SLC24A3: variants seen among roughly 807,000 people sequenced by gnomAD.
The protein encoded by SLC24A3 is solute carrier family 24 member 3, also known as sodium/potassium/calcium exchanger 3.
A neutral mutation model predicts 75.8 loss-of-function variants in SLC24A3; 28 were observed. That is an observed-to-expected ratio of 0.37 (90% CI 0.27 to 0.51). The LOEUF is 0.51. Among genes scored for constraint, SLC24A3 ranks in the 20% least tolerant of loss-of-function variants. The pLI is 0.94. For missense variants in SLC24A3, 663 were observed against 847.8 expected, an observed-to-expected ratio of 0.78 and a Z score of 2.71; for synonymous variants, 372 against 334.1, an observed-to-expected ratio of 1.11 and a Z score of -1.24.
At chr20:19,426,502 C>A (rs190688203) in intron 2 of SLC24A3, among the ~76,000 whole-genome samples, 22 of 152,262 alleles carry the variant, frequency 1.4e-4, no homozygotes, top group African/African-American at 5.3e-4. Context: ...TTCAAAAAGT[C>A]AACACTATAT....
chr20:19,472,498 A>C (rs992006290), intron 2 of SLC24A3, among the ~76,000 whole-genome samples: 27 of 152,220 alleles, frequency 1.8e-4, no homozygotes, highest in Non-Finnish European at 1.5e-5. Context: ...TCAGCTTCAC[A>C]CATGTGGGGA....
intron 2 of SLC24A3, among the ~76,000 whole-genome samples, chr20:19,328,304 A>T (rs1372042367): frequency 1.3e-5 from 2 of 152,182 alleles, no homozygotes; most frequent in Admixed American, 1.3e-4. Context: ...GGTCTTCTGC[A>T]TTCACTGTGG....
intron 2 of SLC24A3, among the ~76,000 whole-genome samples, chr20:19,322,365 C>CCCTT (rs59240769): frequency 0.048 from 3,861 of 79,740 alleles, 70 homozygotes; most frequent in Middle Eastern, 0.071. Flanking sequence ...TTCCTTCCTT[C>CCCTT]CCTTCCTTCC....
chr20:19,247,137 A>G (rs950913652), intron 1 of SLC24A3, among the ~76,000 whole-genome samples: 2 of 152,236 alleles, frequency 1.3e-5, no homozygotes, highest in Non-Finnish European at 2.9e-5. Flanking sequence ...AAACAAAATC[A>G]GTTCCATATG....
chr20:19,473,245 G>C (rs1034931387), intron 2 of SLC24A3, among the ~76,000 whole-genome samples: 3 of 152,166 alleles, frequency 2.0e-5, no homozygotes, highest in African/African-American at 7.2e-5. Flanking sequence ...GGCTCTTCAG[G>C]ATTTTAAAGC....
chr20:19,421,909 C>T (rs993424264), intron 2 of SLC24A3, among the ~76,000 whole-genome samples: 2 of 152,172 alleles, frequency 1.3e-5, no homozygotes, highest in Non-Finnish European at 2.9e-5. Context: ...GGGAACTCTT[C>T]GCACCTGGCT....
chr20:19,548,894 A>G (rs1190957078), intron 3 of SLC24A3, among the ~76,000 whole-genome samples: 1 of 152,232 alleles, frequency 6.6e-6, no homozygotes. Flanking sequence ...GAATGAACAT[A>G]ATAAGGGATT....
chr20:19,257,965 A>G (rs1982865805), intron 1 of SLC24A3, among the ~76,000 whole-genome samples: 1 of 152,242 alleles, frequency 6.6e-6, no homozygotes, highest in Non-Finnish European at 1.5e-5. Flanking sequence ...AGCTGGAACT[A>G]CAGGCACACG....
chr20:19,408,985 A>T (rs929535423), intron 2 of SLC24A3, among the ~76,000 whole-genome samples: 1 of 152,210 alleles, frequency 6.6e-6, no homozygotes, highest in Non-Finnish European at 1.5e-5. Context: ...ACAGGGATGC[A>T]CATGAGAAAT....
At chr20:19,357,589 T>C (rs1410443894) in intron 2 of SLC24A3, among the ~76,000 whole-genome samples, 1 of 152,258 alleles carries the variant, frequency 6.6e-6, no homozygotes, top group African/African-American at 2.4e-5. Context: ...TTTTTTTATA[T>C]ACAGAAGTTT....
At chr20:19,345,489 A>G (rs1217616059) in intron 2 of SLC24A3, among the ~76,000 whole-genome samples, 1 of 152,208 alleles carries the variant, frequency 6.6e-6, no homozygotes, top group African/African-American at 2.4e-5. Flanking sequence ...ACACTATGAG[A>G]CTTCAACACT....
chr20:19,313,715 A>T (rs981219679), intron 2 of SLC24A3, among the ~76,000 whole-genome samples: 1 of 152,234 alleles, frequency 6.6e-6, no homozygotes, highest in African/African-American at 2.4e-5. Flanking sequence ...TGCTGATTCC[A>T]TGTGGACATG....
intron 1 of SLC24A3, chr20:19,213,505 C>T (rs938011635): frequency 6.6e-6 from 1 of 152,360 alleles, no homozygotes; most frequent in Non-Finnish European, 1.5e-5. Context: ...GTGCCGGGAA[C>T]TTCAGGGAGA....
At chr20:19,574,377 T>C (rs2031099130) in intron 3 of SLC24A3, among the ~76,000 whole-genome samples, 2 of 152,358 alleles carry the variant, frequency 1.3e-5, no homozygotes, top group South Asian at 4.1e-4. Context: ...ATCAACATAC[T>C]GACTGCCACA....
chr20:19,678,368 C>CGGCT lies in SLC24A3; in HGVS notation c.768-3486_768-3483dup, dbSNP rs1396557634. Among the ~76,000 whole-genome samples the CGGCT allele has an allele frequency of 1.1e-3, 121 of 111,278 alleles. 6 individuals carry two copies. The highest frequency in any genetic ancestry group is 4.1e-3 in the African/African-American group (112 of 27,068). The allele number at this position is 111,278 out of a possible 152,430, so 73.0% of individuals were successfully genotyped here. ...CCCCCCACCTCCCTCCCGGACGGGG[C>CGGCT]GGCTGGCCGGGCAGAGGGGCTCCTC... On this transcript the variant is annotated intron_variant, in intron 9 of 16. Transcript: ENST00000328041.
chr20:19,318,514 G>A (rs565556538), intron 2 of SLC24A3, among the ~76,000 whole-genome samples: 6 of 152,318 alleles, frequency 3.9e-5, no homozygotes, highest in African/African-American at 1.2e-4. Context: ...CAGAAAAGCC[G>A]AGTTAGCTCT....
intron 2 of SLC24A3, among the ~76,000 whole-genome samples, chr20:19,444,414 T>C (rs1987347318): frequency 6.6e-6 from 1 of 152,232 alleles, no homozygotes; most frequent in South Asian, 2.1e-4. Flanking sequence ...TGTAATTTCT[T>C]CCTTAAAGGC....
At chr20:19,592,585 A>T (rs751183240) in intron 6 of SLC24A3, among the ~76,000 whole-genome samples, 42 of 152,202 alleles carry the variant, frequency 2.8e-4, no homozygotes, top group African/African-American at 9.2e-4. Flanking sequence ...GAGATGCATC[A>T]TTCCAGAAAT....
At chr20:19,507,729 G>T (rs781668775) in intron 2 of SLC24A3, among the ~76,000 whole-genome samples, 3 of 152,156 alleles carry the variant, frequency 2.0e-5, no homozygotes, top group Admixed American at 6.5e-5. Flanking sequence ...GAGAAATGGG[G>T]TATTTGTGAA....
Sources: allele counts gnomAD v4.1 joint callset (sites outside exome capture counted in the v4.1 genomes callset), GRCh38; gene constraint gnomAD v4.1.1; transcripts MANE v1.5; gene names NCBI Gene and HGNC (gene_info 2026-07-23, HGNC 2026-07-21).